Variants in COMMD10 observed in about 807,000 individuals in gnomAD.
COMMD10 encodes the protein COMM domain-containing protein 10.
A neutral mutation model predicts 28.9 loss-of-function variants in COMMD10; 33 were observed. The observed-to-expected ratio is 1.14, with a 90% CI of 0.87 to 1.53. COMMD10 has a LOEUF of 1.53. Among genes scored for constraint, COMMD10 ranks in the 40% most tolerant of loss-of-function variants. COMMD10 has a pLI of 0.00. For missense variants in COMMD10, 310 were observed against 233.4 expected (o/e 1.33, Z -2.14); for synonymous variants, 110 against 81.7 (o/e 1.35, Z -1.87).
At chr5:116,156,785 C>T (rs552318473) in intron 5 of COMMD10, among the ~76,000 whole-genome samples, 1 of 152,144 alleles carries the variant, frequency 6.6e-6, no homozygotes, top group Admixed American at 6.6e-5. Flanking sequence ...TTTGATCTGT[C>T]CCAGACTATA....
Position 116,233,916 on chromosome 5 carries a change from A to G in COMMD10, c.511-57601A>G, listed in dbSNP as rs577799598. ...TTTGCATAGAAAATCAAACCTCAAA[A>G]TGTTGAGAGAAGGGTTCTAGAAGAA... On this transcript the variant is annotated intron_variant, in intron 5 of 6. Coordinates refer to ENST00000274458, the MANE Select transcript of COMMD10 (RefSeq NM_016144.4). Among the ~76,000 whole-genome samples, 5 of 152,312 alleles carry G rather than the reference A, an allele frequency of 3.3e-5. No homozygotes were observed. In the South Asian group the frequency reaches 8.3e-4, roughly 25 times the overall value.
intron 4 of COMMD10, among the ~76,000 whole-genome samples, chr5:116,130,600 G>A (rs1352453743): frequency 6.6e-6 from 1 of 151,946 alleles, no homozygotes; most frequent in Non-Finnish European, 1.5e-5. Context: ...ATTAGTGAAT[G>A]TGTATGCGTT....
At chr5:116,226,731 C>T (rs764479907) in intron 5 of COMMD10, among the ~76,000 whole-genome samples, 1 of 152,064 alleles carries the variant, frequency 6.6e-6, no homozygotes, top group Non-Finnish European at 1.5e-5. Context: ...AAGTAGATGG[C>T]CTTAATATTT....
At chr5:116,230,989 T>C (rs1319703283) in intron 5 of COMMD10, among the ~76,000 whole-genome samples, 1 of 152,154 alleles carries the variant, frequency 6.6e-6, no homozygotes, top group African/African-American at 2.4e-5. Context: ...GGAGTGGGGA[T>C]AGTAGCTAGC....
chr5:116,164,934 T>G (rs1326099318), intron 5 of COMMD10, among the ~76,000 whole-genome samples: 1 of 152,222 alleles, frequency 6.6e-6, no homozygotes, highest in Non-Finnish European at 1.5e-5. Context: ...CAGACTAAAG[T>G]ACCCATGAAG....
intron 5 of COMMD10, among the ~76,000 whole-genome samples, chr5:116,165,387 A>G (rs73255121): frequency 0.015 from 2,224 of 152,284 alleles, 60 homozygotes; most frequent in African/African-American, 0.05. Context: ...ACTCACATAC[A>G]TCTTATGTAC....
At chr5:116,281,169 G>C (rs1195816134) in intron 5 of COMMD10, among the ~76,000 whole-genome samples, 1 of 151,682 alleles carries the variant, frequency 6.6e-6, no homozygotes, top group East Asian at 1.9e-4. Flanking sequence ...GGATATTTCT[G>C]CTTGGGTAAT....
intron 5 of COMMD10, among the ~76,000 whole-genome samples, chr5:116,256,291 C>T (rs1262743864): frequency 6.6e-6 from 1 of 151,670 alleles, no homozygotes; most frequent in Non-Finnish European, 1.5e-5. Flanking sequence ...CAGTATCGAA[C>T]TTCTGTTCCT....
intron 5 of COMMD10, among the ~76,000 whole-genome samples, chr5:116,208,378 C>G (rs761933856): frequency 5.3e-5 from 8 of 152,094 alleles, no homozygotes; most frequent in Non-Finnish European, 1.2e-4. Flanking sequence ...TGGAAGCTTC[C>G]TCATTTAACA....
At chr5:116,113,061 CTTTA>C (rs922950763) in intron 4 of COMMD10, among the ~76,000 whole-genome samples, 1 of 152,132 alleles carries the variant, frequency 6.6e-6, no homozygotes, top group African/African-American at 2.4e-5. Context: ...ACTATTTCTC[CTTTA>C]TTTATGAAGC....
chr5:116,159,508 T>C (rs571601976), intron 5 of COMMD10, among the ~76,000 whole-genome samples: 1 of 152,204 alleles, frequency 6.6e-6, no homozygotes, highest in Non-Finnish European at 1.5e-5. Flanking sequence ...AGTTCTGAGC[T>C]AGGTGCTGAG....
At chr5:116,195,766 G>C (rs537577262) in intron 5 of COMMD10, among the ~76,000 whole-genome samples, 1 of 151,968 alleles carries the variant, frequency 6.6e-6, no homozygotes, top group East Asian at 1.9e-4. Flanking sequence ...TCAAAAAGTG[G>C]GCTAAAGACA....
intron 5 of COMMD10, among the ~76,000 whole-genome samples, chr5:116,230,053 C>G (rs1176820810): frequency 6.6e-6 from 1 of 151,846 alleles, no homozygotes; most frequent in Non-Finnish European, 1.5e-5. Context: ...ACTATTGATT[C>G]TTTGCCTCAT....
At chr5:116,277,439 A>G (rs1319995797) in intron 5 of COMMD10, among the ~76,000 whole-genome samples, 1 of 151,892 alleles carries the variant, frequency 6.6e-6, no homozygotes. Context: ...ATTAGAGGTT[A>G]AAATTTTCTT....
Position 116,292,426 on chromosome 5 carries a change from T to C in COMMD10, c.571-25T>C. 5 of 1,327,660 alleles carry C rather than the reference T, an allele frequency of 3.8e-6. No individual in the cohort carries two copies. The South Asian group carries it at 4.7e-5, about 12-fold the overall frequency. 82.2% of individuals were successfully genotyped at this position (1,327,660 alleles called of 1,614,324 possible). A position where few individuals can be genotyped will look rare whatever the true frequency, so the allele number is the denominator to read the frequency against. ...GTTTCGTTCCCTTCACTAACGTCTT[T>C]TTTTTTTTTTGTCTTTGTAAATAGC... is the stretch of plus-strand genomic sequence containing the variant. On this transcript the variant is annotated intron_variant, in intron 6 of 6. Transcript: ENST00000274458.
At chr5:116,095,643 G>T (rs1036340204) in intron 4 of COMMD10, among the ~76,000 whole-genome samples, 12 of 151,546 alleles carry the variant, frequency 7.9e-5, no homozygotes, top group African/African-American at 2.7e-4. Context: ...GAAATCTGTT[G>T]TATTTTTTTT....
At chr5:116,104,630 T>G (rs1750777049) in intron 4 of COMMD10, among the ~76,000 whole-genome samples, 1 of 152,010 alleles carries the variant, frequency 6.6e-6, no homozygotes, top group Admixed American at 6.6e-5. Context: ...TTTTTTCTTT[T>G]TTTTTTTGAG....
chr5:116,210,431 A>T (rs542320399), intron 5 of COMMD10, among the ~76,000 whole-genome samples: 1 of 152,102 alleles, frequency 6.6e-6, no homozygotes, highest in Non-Finnish European at 1.5e-5. Context: ...ATATTTTAAA[A>T]GTCATTGATG....
chr5:116,237,447 A>G (rs971927150), intron 5 of COMMD10, among the ~76,000 whole-genome samples: 3 of 151,194 alleles, frequency 2.0e-5, no homozygotes, highest in African/African-American at 4.9e-5. Context: ...ATTTAGTTCT[A>G]TCATAAGTTC....
Sources: gnomAD v4.1 joint callset for allele counts (sites outside exome capture counted in the v4.1 genomes callset) on GRCh38, gnomAD v4.1.1 for gene constraint, MANE v1.5 for transcripts, NCBI Gene and HGNC (gene_info 2026-07-23, HGNC 2026-07-21) for gene names.